The following DLG2 variants were observed in gnomAD, a reference collection of about 807,000 sequenced individuals.
DLG2 encodes the protein discs large MAGUK scaffold protein 2.
Under a neutral mutation model 132.5 loss-of-function variants are expected in DLG2, and 45 were observed. The ratio of observed to expected loss-of-function variants is 0.34; its 90% CI spans 0.27 to 0.44. The LOEUF is 0.44. Ranked by LOEUF, DLG2 falls within the 20% of genes least tolerant of loss-of-function variation. The pLI, the probability that DLG2 is intolerant of heterozygous loss-of-function variation, is 1.00. For missense variants in DLG2, 1,045 were observed against 1,196.9 expected, an observed-to-expected ratio of 0.87 and a Z score of 1.87; for synonymous variants, 424 against 419.6, an observed-to-expected ratio of 1.01 and a Z score of -0.13.
At position 84,877,099 on chromosome 11, in the gene DLG2, T is replaced by C. The variant is rs374998388; in HGVS notation, c.357+234562A>G. On this transcript the variant is annotated intron_variant, in intron 6 of 27. Transcript: ENST00000376104. ...TTGCATTTGCTGAGAAGTGTTTTAC[T>C]TCCAATTATGTGGTCAATTTTAGAA... Among the ~76,000 whole-genome samples, 5 of 152,178 alleles carry C rather than the reference T, an allele frequency of 3.3e-5. No individual in the cohort carries two copies. In the East Asian group the frequency reaches 9.6e-4, roughly 29 times the overall value.
At chr11:84,107,983 G>C (rs779016544) in intron 9 of DLG2, among the ~76,000 whole-genome samples, 45 of 152,128 alleles carry the variant, frequency 3.0e-4, no homozygotes, top group Non-Finnish European at 6.0e-4. Context: ...TAGTAATCTT[G>C]AACAGTGAAA....
At chr11:84,202,261 AG>A (rs1485936908) in intron 8 of DLG2, among the ~76,000 whole-genome samples, 5 of 152,162 alleles carry the variant, frequency 3.3e-5, no homozygotes, top group African/African-American at 1.2e-4. Context: ...GACTGGTACA[AG>A]GACAGACACA....
intron 6 of DLG2, among the ~76,000 whole-genome samples, chr11:84,645,708 C>T (rs997868499): frequency 1.3e-5 from 2 of 152,172 alleles, no homozygotes; most frequent in Non-Finnish European, 2.9e-5. Context: ...ACCTCGTGAT[C>T]CGCCAGCCTC....
At chr11:84,909,343 A>G in intron 6 of DLG2, among the ~76,000 whole-genome samples, 1 of 152,116 alleles carries the variant, frequency 6.6e-6, no homozygotes, top group Non-Finnish European at 1.5e-5. Context: ...AACTCTCAGA[A>G]AGAAAAGTCT....
intron 17 of DLG2, among the ~76,000 whole-genome samples, chr11:83,805,354 C>T (rs992196824): frequency 6.6e-6 from 1 of 151,562 alleles, no homozygotes; most frequent in Non-Finnish European, 1.5e-5. Context: ...GAGAGCTTCT[C>T]CCATATATAT....
intron 3 of DLG2, among the ~76,000 whole-genome samples, chr11:85,558,302 A>G (rs1284820611): frequency 6.6e-6 from 1 of 151,952 alleles, no homozygotes; most frequent in East Asian, 1.9e-4. Flanking sequence ...GTCAAAAAGC[A>G]ATAGATGTTG....
intron 11 of DLG2, among the ~76,000 whole-genome samples, chr11:84,042,588 A>G (rs2096119590): frequency 6.6e-6 from 1 of 151,848 alleles, no homozygotes; most frequent in African/African-American, 2.4e-5. Context: ...TTACCTTTAT[A>G]TAGATCCCAA....
At chr11:85,275,738 A>C (rs876869) in intron 4 of DLG2, among the ~76,000 whole-genome samples, 3,300 of 152,270 alleles carry the variant, frequency 0.022, 59 homozygotes, top group Admixed American at 0.038. Context: ...TCATTTATTT[A>C]TTCAATGAAC....
At chr11:85,519,332 A>C (rs2074090511) in intron 3 of DLG2, among the ~76,000 whole-genome samples, 1 of 152,132 alleles carries the variant, frequency 6.6e-6, no homozygotes, top group African/African-American at 2.4e-5. Context: ...GACCATAGGA[A>C]CCCCCTTCTT....
chr11:84,463,885 TAGACTA>T (rs1401518452), intron 7 of DLG2, among the ~76,000 whole-genome samples: 11 of 151,272 alleles, frequency 7.3e-5, no homozygotes, highest in Admixed American at 4.0e-4. Flanking sequence ...TTTTCTTTAG[TAGACTA>T]AGAGAGAAAG....
chr11:84,626,269 C>T (rs2099622345), intron 6 of DLG2, among the ~76,000 whole-genome samples: 1 of 152,108 alleles, frequency 6.6e-6, no homozygotes, highest in African/African-American at 2.4e-5. Context: ...TGTGAGGAGC[C>T]CTTATCTCTG....
intron 4 of DLG2, among the ~76,000 whole-genome samples, chr11:85,219,336 C>A (rs913832152): frequency 6.6e-6 from 1 of 152,146 alleles, no homozygotes; most frequent in Non-Finnish European, 1.5e-5. Context: ...GAGTTTAATT[C>A]TCTTATAACA....
chr11:85,010,099 C>T (rs541377984), intron 6 of DLG2, among the ~76,000 whole-genome samples: 11 of 152,002 alleles, frequency 7.2e-5, no homozygotes, highest in African/African-American at 1.9e-4. Context: ...TTTGGAGGAA[C>T]GGAGCCAAAA....
At chr11:83,545,225 T>C (rs1024016602) in intron 19 of DLG2, among the ~76,000 whole-genome samples, 67 of 152,294 alleles carry the variant, frequency 4.4e-4, no homozygotes, top group African/African-American at 1.6e-3. Flanking sequence ...CCTCAGATTT[T>C]CTTAACTGTA....
intron 3 of DLG2, among the ~76,000 whole-genome samples, chr11:85,507,594 G>A (rs1483665434): frequency 6.6e-6 from 1 of 152,258 alleles, no homozygotes; most frequent in East Asian, 1.9e-4. Context: ...TTAGTCTGAT[G>A]GGCTTCCCTT....
intron 18 of DLG2, among the ~76,000 whole-genome samples, chr11:83,756,861 G>GT: frequency 6.8e-6 from 1 of 146,256 alleles, no homozygotes; most frequent in African/African-American, 2.8e-5. Flanking sequence ...ACCCATTATA[G>GT]TTAGCCTTTC....
At chr11:84,219,281 C>A (rs2096881984) in intron 8 of DLG2, among the ~76,000 whole-genome samples, 1 of 152,152 alleles carries the variant, frequency 6.6e-6, no homozygotes, top group South Asian at 2.1e-4. Flanking sequence ...AGAACTAGAA[C>A]TTGAAGTCAA....
intron 18 of DLG2, among the ~76,000 whole-genome samples, chr11:83,746,945 C>G (rs1431229843): frequency 1.3e-5 from 2 of 152,082 alleles, no homozygotes; most frequent in African/African-American, 4.8e-5. Context: ...CAAGCAGTAC[C>G]ATAAGATTTC....
intron 6 of DLG2, among the ~76,000 whole-genome samples, chr11:84,725,933 C>G (rs2062396655): frequency 6.6e-6 from 1 of 151,922 alleles, no homozygotes; most frequent in Non-Finnish European, 1.5e-5. Flanking sequence ...AATTCTAAAT[C>G]TTTAACCTTT....
Sources: gnomAD v4.1 joint callset for allele counts (sites outside exome capture counted in the v4.1 genomes callset) on GRCh38, gnomAD v4.1.1 for gene constraint, MANE v1.5 for transcripts, NCBI Gene and HGNC (gene_info 2026-07-23, HGNC 2026-07-21) for gene names.